THEMIS: variants seen among roughly 807,000 people sequenced by gnomAD.
THEMIS encodes the protein thymocyte selection associated.
In THEMIS, 37 loss-of-function variants were observed where a neutral mutation model predicts 52.6. That is an observed-to-expected ratio of 0.70 (90% confidence interval 0.54 to 0.93). The LOEUF (loss-of-function observed/expected upper bound fraction) is 0.93. THEMIS is among the 40% of genes least tolerant of loss of function. The probability of loss-of-function intolerance (pLI) is 0.00; values close to 1 mark genes in which losing one functional copy is unlikely to be tolerated. For synonymous variants in THEMIS, 292 were observed against 272.7 expected (o/e 1.07, Z -0.70); for missense variants, 808 against 763.1 (o/e 1.06, Z -0.69).
chr6:127,723,492 CAGCAATCATGT>C (rs1398088588), intron 4 of THEMIS, among the ~76,000 whole-genome samples: 3 of 151,946 alleles, frequency 2.0e-5, no homozygotes, highest in Admixed American at 6.6e-5. Context: ...TAGATAATTT[CAGCAATCATGT>C]AGCTTGATCT....
chr6:127,880,944 A>G (rs537129329), intron 1 of THEMIS, among the ~76,000 whole-genome samples: 1 of 152,266 alleles, frequency 6.6e-6, no homozygotes, highest in South Asian at 2.1e-4. Context: ...TTAAAATCTT[A>G]GTTTTAAAAG....
At chr6:127,700,197 A>T in the THEMIS span, among the ~76,000 whole-genome samples, 1 of 151,898 alleles carries the variant, frequency 6.6e-6, no homozygotes, top group Non-Finnish European at 1.5e-5. Flanking sequence ...AAAACATTAG[A>T]GTAGTCTTCC....
intron 4 of THEMIS, among the ~76,000 whole-genome samples, chr6:127,758,644 C>G (rs1375174368): frequency 6.6e-6 from 1 of 151,612 alleles, no homozygotes; most frequent in Non-Finnish European, 1.5e-5. Flanking sequence ...AGTAAAAGAT[C>G]TTTCACAAGA....
chr6:127,869,130 CA>C (rs1780075120), intron 1 of THEMIS, among the ~76,000 whole-genome samples: 1 of 152,098 alleles, frequency 6.6e-6, no homozygotes, highest in African/African-American at 2.4e-5. Context: ...TTAAACTATT[CA>C]ATGAGTATTG....
chr6:127,846,265 T>C (rs896330073), intron 2 of THEMIS, among the ~76,000 whole-genome samples: 1 of 151,900 alleles, frequency 6.6e-6, no homozygotes, highest in African/African-American at 2.4e-5. Flanking sequence ...ATTATACAAT[T>C]GCCACATTAT....
At position 127,709,931 on chromosome 6, in the gene THEMIS, T is replaced by G; in HGVS notation, c.*54A>C. On this transcript the variant is annotated 3_prime_UTR_variant, in exon 6 of 6. Transcript: ENST00000368248. Reference sequence around the variant, plus strand: ...GTTTTTCAGCTAGAAGGCTAGCTTCTTTTTTCACTGCAACATTTATGTTTG... The same window carrying G: ...GTTTTTCAGCTAGAAGGCTAGCTTCGTTTTTCACTGCAACATTTATGTTTG... The G allele has an allele frequency of 6.5e-7, 1 of 1,530,236 alleles. No individual in the cohort carries two copies. Among genetic ancestry groups the G allele is most frequent in the South Asian group, 1.2e-5 (1 of 82,812 alleles). 94.8% of individuals were successfully genotyped at this position (1,530,236 alleles called of 1,614,324 possible). A position where few individuals can be genotyped will look rare whatever the true frequency, so the allele number is the denominator to read the frequency against.
chr6:127,866,255 AT>A (rs1355443095), intron 1 of THEMIS, among the ~76,000 whole-genome samples: 5 of 152,074 alleles, frequency 3.3e-5, no homozygotes, highest in African/African-American at 9.6e-5. Context: ...AATACATTAA[AT>A]TTTATCATAT....
Position 127,866,607 on chromosome 6 carries a change from C to T in THEMIS, c.92-11419G>A, listed in dbSNP as rs148332109. On this transcript the variant is annotated intron_variant, in intron 1 of 5. Transcript: ENST00000368248. ...GATGAGCTCACTCTCCCCATATTTCCGTATGTTTGAAACCAATGCATAAAG... is the reference window on the plus strand; with the variant it reads ...GATGAGCTCACTCTCCCCATATTTCTGTATGTTTGAAACCAATGCATAAAG... 6.1e-4 allele frequency among the ~76,000 whole-genome samples: 92 copies of T among 151,968 alleles called. 1 individual carries two copies. Among genetic ancestry groups the T allele is most frequent in the African/African-American group, 2.0e-3 (83 of 41,514 alleles).
chr6:127,699,353 T>C, the THEMIS span, among the ~76,000 whole-genome samples: 6 of 151,644 alleles, frequency 4.0e-5, 1 homozygote, highest in Admixed American at 2.0e-4. Flanking sequence ...TCTTCTTCCA[T>C]ACATTATTTA....
At position 127,814,041 on chromosome 6, in the gene THEMIS, A is replaced by G. The variant is rs1004904445; in HGVS notation, c.710-110T>C. ...TTCTTTTACAAAATAAAGAACTCAG[A>G]TGATCATCATATATCATTTCTTATG... On this transcript the variant is annotated intron_variant, in intron 3 of 5. Transcript: ENST00000368248. The G allele has an allele frequency of 4.7e-5, 42 of 897,140 alleles. No homozygotes were observed. In the African/African-American group the frequency reaches 6.5e-4, roughly 14 times the overall value. The allele number at this position is 897,140 out of a possible 1,614,324, so 55.6% of individuals were successfully genotyped here. A position where few individuals can be genotyped will look rare whatever the true frequency, so the allele number is the denominator to read the frequency against.
chr6:127,699,518 CCA>C, the THEMIS span, among the ~76,000 whole-genome samples: 1 of 149,738 alleles, frequency 6.7e-6, no homozygotes, highest in African/African-American at 2.5e-5. Flanking sequence ...TAAACATTCC[CCA>C]CTCTCTTCAC....
At chr6:127,809,464 G>T (rs755595950) in intron 4 of THEMIS, among the ~76,000 whole-genome samples, 1 of 152,026 alleles carries the variant, frequency 6.6e-6, no homozygotes, top group Non-Finnish European at 1.5e-5. Flanking sequence ...AAAAATAATC[G>T]CTGAAAATAA....
chr6:127,901,716 T>C (rs1464461802), upstream of THEMIS, among the ~76,000 whole-genome samples: 2 of 152,092 alleles, frequency 1.3e-5, no homozygotes, highest in Non-Finnish European at 2.9e-5. Flanking sequence ...GGTTTAGTTC[T>C]GCTTTTGATT....
chr6:127,730,784 G>A (rs567574855), intron 4 of THEMIS, among the ~76,000 whole-genome samples: 1 of 152,250 alleles, frequency 6.6e-6, no homozygotes, highest in East Asian at 1.9e-4. Flanking sequence ...TTTTACTAAA[G>A]TTATGTTTTT....
At chr6:127,717,339 A>G (rs1449220860) in intron 5 of THEMIS, among the ~76,000 whole-genome samples, 3 of 151,982 alleles carry the variant, frequency 2.0e-5, no homozygotes, top group African/African-American at 7.2e-5. Flanking sequence ...ATCTCAGTTC[A>G]GCCTCTGAAG....
In THEMIS at chr6:127,727,967, C is replaced by A. The variant is rs916455056; in HGVS notation, c.1759-8144G>T. On this transcript the variant is annotated intron_variant, in intron 4 of 5. Transcript: ENST00000368248. ...TTTAAGGAGCATTGTCTGGCACCAC[C>A]AACCAACACTTTTTTGAAATTTCTA... Among the ~76,000 whole-genome samples the A allele has an allele frequency of 4.6e-5, 7 of 152,098 alleles. No individual in the cohort carries two copies. In the East Asian group the frequency reaches 1.4e-3, roughly 29 times the overall value.
intron 1 of THEMIS, among the ~76,000 whole-genome samples, chr6:127,864,661 A>G (rs116759495): frequency 0.024 from 3,695 of 152,200 alleles, 162 homozygotes; most frequent in African/African-American, 0.085. Flanking sequence ...TGACCATCCT[A>G]ACAAATACTA....
chr6:127,832,004 A>G (rs1348766316), intron 2 of THEMIS, among the ~76,000 whole-genome samples: 1 of 152,138 alleles, frequency 6.6e-6, no homozygotes, highest in East Asian at 1.9e-4. Flanking sequence ...TTATGAGGGT[A>G]TAGAAAATTC....
At chr6:127,862,561 A>T (rs1011034480) in intron 1 of THEMIS, among the ~76,000 whole-genome samples, 1 of 150,882 alleles carries the variant, frequency 6.6e-6, no homozygotes, top group Non-Finnish European at 1.5e-5. Flanking sequence ...CTGGGATTAC[A>T]GGCACTCACC....
Sources: allele counts gnomAD v4.1 joint callset (sites outside exome capture counted in the v4.1 genomes callset), GRCh38; gene constraint gnomAD v4.1.1; transcripts MANE v1.5; gene names NCBI Gene and HGNC (gene_info 2026-07-23, HGNC 2026-07-21).